FSAF1: variants seen among roughly 807,000 people sequenced by gnomAD.
The protein encoded by FSAF1 is 40S small subunit processome assembly factor 1.
At chr1:231,231,524 G>A in the FSAF1 span, among the ~76,000 whole-genome samples, 17 of 152,032 alleles carry the variant, frequency 1.1e-4, no homozygotes, top group South Asian at 2.1e-4. Flanking sequence ...TTTTTGAGAC[G>A]GGGTCTCACT....
the FSAF1 span, among the ~76,000 whole-genome samples, chr1:231,226,124 C>T: frequency 1.3e-5 from 2 of 151,316 alleles, no homozygotes; most frequent in African/African-American, 4.9e-5. Context: ...GAAATTTGAT[C>T]CCAACATTAG....
At chr1:231,238,398 A>T in the FSAF1 span, 2 of 156,346 alleles carry the variant, frequency 1.3e-5, no homozygotes, top group African/African-American at 4.8e-5. Flanking sequence ...AGCACATAAC[A>T]GGAATGCCAG....
At chr1:231,238,181 C>CA in the FSAF1 span, 4,723 of 131,528 alleles carry the variant, frequency 0.036, 184 homozygotes, top group East Asian at 0.18. Context: ...GACTCCGTCT[C>CA]AAAAAAAAAA....
chr1:231,229,080 A>G, the FSAF1 span: 1 of 890,664 alleles, frequency 1.1e-6, no homozygotes, highest in Admixed American at 2.8e-5. Context: ...TTTAATATAA[A>G]CATACATTTA....
At chr1:231,236,546 T>C in the FSAF1 span, 1 of 152,198 alleles carries the variant, frequency 6.6e-6, no homozygotes, top group Non-Finnish European at 1.5e-5. Context: ...CTGCCACAGA[T>C]GTTCTATTAT....
At chr1:231,236,628 AT>A in the FSAF1 span, 1 of 152,228 alleles carries the variant, frequency 6.6e-6, no homozygotes, top group South Asian at 2.1e-4. Context: ...AAAACTTTCC[AT>A]TCCAGAAAAA....
the FSAF1 span, among the ~76,000 whole-genome samples, chr1:231,227,221 A>G: frequency 1.3e-5 from 2 of 152,204 alleles, no homozygotes; most frequent in African/African-American, 2.4e-5. Flanking sequence ...AAGGAGCTCT[A>G]TGGAGGCTCT....
At chr1:231,239,727 C>G in the FSAF1 span, among the ~76,000 whole-genome samples, 1 of 152,192 alleles carries the variant, frequency 6.6e-6, no homozygotes, top group Non-Finnish European at 1.5e-5. Context: ...TCCTAGGCAT[C>G]CTTACTCACA....
chr1:231,224,654 C>A, the FSAF1 span: 1 of 476,732 alleles, frequency 2.1e-6, no homozygotes, highest in East Asian at 3.4e-5. Context: ...CCAGGCTGCC[C>A]CTCTTCTTTG....
At chr1:231,235,864 C>T in the FSAF1 span, among the ~76,000 whole-genome samples, 2,680 of 152,240 alleles carry the variant, frequency 0.018, 82 homozygotes, top group African/African-American at 0.061. Context: ...TGAAAACCTG[C>T]TTCAATGCAC....
At chr1:231,236,722 T>C in the FSAF1 span, 1 of 152,234 alleles carries the variant, frequency 6.6e-6, no homozygotes. Context: ...TTTATGTTAG[T>C]TGAAGTCTTC....
At chr1:231,236,030 G>C in the FSAF1 span, among the ~76,000 whole-genome samples, 18 of 152,216 alleles carry the variant, frequency 1.2e-4, no homozygotes, top group East Asian at 3.5e-3. Context: ...GCTATGATTG[G>C]TCATGGAGAT....
chr1:231,232,357 C>T, the FSAF1 span, among the ~76,000 whole-genome samples: 7 of 152,112 alleles, frequency 4.6e-5, no homozygotes, highest in African/African-American at 1.4e-4. Context: ...CAAAGAAACA[C>T]GAGCAGAGGG....
chr1:231,227,268 G>GC, the FSAF1 span, among the ~76,000 whole-genome samples: 1 of 151,758 alleles, frequency 6.6e-6, no homozygotes, highest in Non-Finnish European at 1.5e-5. Context: ...TCTTTCTCCT[G>GC]TTTTTTTTCC....
the FSAF1 span, chr1:231,239,157 C>T: frequency 6.3e-7 from 1 of 1,592,496 alleles, no homozygotes; most frequent in South Asian, 1.1e-5. Flanking sequence ...TCTTTATGAT[C>T]TTCTTCTGTT....
At chr1:231,238,026 C>CA in the FSAF1 span, 1 of 152,032 alleles carries the variant, frequency 6.6e-6, no homozygotes, top group Non-Finnish European at 1.5e-5. Context: ...ACTAAAAATA[C>CA]AAAAAACTAG....
At chr1:231,229,598 C>A in the FSAF1 span, among the ~76,000 whole-genome samples, 7 of 152,182 alleles carry the variant, frequency 4.6e-5, no homozygotes, top group Non-Finnish European at 5.9e-5. Context: ...ACTCAAATGT[C>A]CACCAACAGA....
chr1:231,234,071 G>T, the FSAF1 span, among the ~76,000 whole-genome samples: 1 of 152,158 alleles, frequency 6.6e-6, no homozygotes, highest in Non-Finnish European at 1.5e-5. The surrounding 1 kb of genome is among the most constrained non-coding windows in gnomAD (Gnocchi z 4.0). Context: ...GCCAGGAATT[G>T]TGAGGATTGA....
chr1:231,237,263 A>G, the FSAF1 span: 1 of 152,240 alleles, frequency 6.6e-6, no homozygotes, highest in African/African-American at 2.4e-5. Context: ...TTAAAACCAT[A>G]AAGATGTGGC....
Sources: allele counts gnomAD v4.1 joint callset (sites outside exome capture counted in the v4.1 genomes callset), GRCh38; gene constraint gnomAD v4.1.1; non-coding constraint Gnocchi (gnomAD v3.1); transcripts MANE v1.5; gene names NCBI Gene and HGNC (gene_info 2026-07-23, HGNC 2026-07-21).